The following GBE1 variants were observed in gnomAD, a reference collection of about 807,000 sequenced individuals.
GBE1 encodes the protein 1,4-alpha-glucan branching enzyme 1, also known as 1,4-alpha-glucan-branching enzyme.
GBE1 carries 70 observed loss-of-function variants against 88.8 expected under a neutral mutation model. The observed-to-expected ratio is 0.79, with a 90% confidence interval of 0.65 to 0.96. The LOEUF (loss-of-function observed/expected upper bound fraction) is 0.96, where lower values mean the gene tolerates loss of function less well. Among genes scored for constraint, GBE1 ranks in the 40% least tolerant of loss-of-function variants. GBE1 has a pLI of 0.00. For missense variants in GBE1, 872 were observed against 871.0 expected (o/e 1.00, Z -0.01); for synonymous variants, 284 against 300.1 (o/e 0.95, Z 0.56).
chr3:81,503,525 G>C (rs1702616545), intron 14 of GBE1, among the ~76,000 whole-genome samples: 1 of 152,150 alleles, frequency 6.6e-6, no homozygotes, highest in Non-Finnish European at 1.5e-5. Flanking sequence ...ACAGTCCAAG[G>C]ATAGTTAAGT....
At chr3:81,694,703 A>G (rs961087527) in intron 2 of GBE1, among the ~76,000 whole-genome samples, 9 of 152,144 alleles carry the variant, frequency 5.9e-5, no homozygotes, top group African/African-American at 2.2e-4. Context: ...AACCAAGACA[A>G]CCCAAGAGAA....
intron 15 of GBE1, among the ~76,000 whole-genome samples, chr3:81,494,607 C>T (rs1022785676): frequency 1.3e-5 from 2 of 152,114 alleles, no homozygotes; most frequent in East Asian, 1.9e-4. Context: ...AAGCCCTAAA[C>T]ATTTTATACC....
At chr3:81,624,443 T>G (rs1428890304) in intron 7 of GBE1, among the ~76,000 whole-genome samples, 1 of 152,192 alleles carries the variant, frequency 6.6e-6, no homozygotes, top group Non-Finnish European at 1.5e-5. Context: ...GCTCCTAACA[T>G]GTAATATTCA....
At chr3:81,675,252 T>C (rs1009509642) in intron 2 of GBE1, among the ~76,000 whole-genome samples, 1 of 152,034 alleles carries the variant, frequency 6.6e-6, no homozygotes, top group Non-Finnish European at 1.5e-5. Flanking sequence ...TAATATAATA[T>C]ATCAACAGGT....
chr3:81,532,853 TTTC>T (rs1408737563), intron 14 of GBE1, among the ~76,000 whole-genome samples: 1 of 152,060 alleles, frequency 6.6e-6, no homozygotes, highest in East Asian at 1.9e-4. Context: ...CTGAAATGGC[TTTC>T]TTCATTTGTT....
At chr3:81,585,959 G>C (rs374407587) in intron 10 of GBE1, 133 bp downstream of exon 10, 2 of 533,186 alleles carry the variant, frequency 3.8e-6, no homozygotes, top group African/African-American at 2.0e-5. Context: ...CATAAGAATC[G>C]ACAGACTAAT....
intron 7 of GBE1, among the ~76,000 whole-genome samples, chr3:81,639,410 G>C (rs946767967): frequency 6.6e-6 from 1 of 151,788 alleles, no homozygotes; most frequent in Admixed American, 6.6e-5. Context: ...AAATATGGCT[G>C]AGTAAATAAT....
chr3:81,648,975 G>T lies in GBE1; in HGVS notation c.572C>A (p.Pro191Gln). The change falls in exon 5 of 16, where the codon CCA (proline) becomes CAA (glutamine). Residue 191 changes from proline (P) to glutamine (Q), a missense_variant. Coordinates refer to ENST00000429644, the MANE Select transcript of GBE1 (RefSeq NM_000158.4). ...AATTCTTAGACTCCGTGGCTTCTTT[G>T]GTCTGGAATGCTTAAACTACAGAAT... is the stretch of plus-strand genomic sequence containing the variant. The part of the protein sequence containing the change: ...EHSYEFKHSR[P>Q]KKPRSLRIYE... The T allele has an allele frequency of 1.3e-6, 2 of 1,582,506 alleles. No homozygotes were observed. The highest frequency in any genetic ancestry group is 8.6e-7 in the Non-Finnish European group (1 of 1,162,270).
intron 1 of GBE1, among the ~76,000 whole-genome samples, chr3:81,745,347 T>C (rs1575775196): frequency 6.6e-6 from 1 of 152,184 alleles, no homozygotes; most frequent in African/African-American, 2.4e-5. Context: ...TACATACTTA[T>C]AGCTTACATA....
At chr3:81,611,249 T>A (rs1704179217) in intron 7 of GBE1, among the ~76,000 whole-genome samples, 1 of 152,210 alleles carries the variant, frequency 6.6e-6, no homozygotes, top group African/African-American at 2.4e-5. Flanking sequence ...GGGCAATGGC[T>A]AAGAAATTTC....
chr3:81,506,727 G>T (rs1261249197), intron 14 of GBE1, among the ~76,000 whole-genome samples: 1 of 152,142 alleles, frequency 6.6e-6, no homozygotes, highest in Admixed American at 6.6e-5. Context: ...ACCATGGAAT[G>T]CTATGCAGCT....
chr3:81,612,308 T>C lies in GBE1; in HGVS notation c.993-18285A>G, dbSNP rs1045894223. The C allele has an allele frequency of 3.1e-5, 27 of 868,652 alleles. 1 individual carries two copies. Among genetic ancestry groups the C allele is most frequent in the Middle Eastern group, 4.0e-4 (1 of 2,526 alleles). 53.8% of individuals were successfully genotyped at this position (868,652 alleles called of 1,614,324 possible). A position where few individuals can be genotyped will look rare whatever the true frequency, so the allele number is the denominator to read the frequency against. ...GCTGGCTTTATTCTGCGTTTGACTT[T>C]AATGTTTCGTCAAATCCATTCCAGA... is the stretch of plus-strand genomic sequence containing the variant. On this transcript the variant is annotated intron_variant, in intron 7 of 15. Coordinates refer to ENST00000429644, the MANE Select transcript of GBE1 (RefSeq NM_000158.4).
At chr3:81,519,156 G>A (rs1199773456) in intron 14 of GBE1, among the ~76,000 whole-genome samples, 3 of 151,582 alleles carry the variant, frequency 2.0e-5, no homozygotes, top group Non-Finnish European at 4.4e-5. Context: ...TCTGCCTTCA[G>A]CAATCACACT....
intron 3 of GBE1, chr3:81,654,903 T>C (rs1358680666): frequency 6.6e-6 from 1 of 152,140 alleles, no homozygotes; most frequent in Non-Finnish European, 1.5e-5. Flanking sequence ...TAACAACATG[T>C]ATATTTTTTG....
chr3:81,516,007 G>A (rs568433033), intron 14 of GBE1, among the ~76,000 whole-genome samples: 1 of 151,806 alleles, frequency 6.6e-6, no homozygotes, highest in Admixed American at 6.6e-5. Context: ...AAATTTTAAG[G>A]TGAAGTAGCA....
intron 1 of GBE1, among the ~76,000 whole-genome samples, chr3:81,741,732 G>A (rs28630448): frequency 0.12 from 18,743 of 150,160 alleles, 1,319 homozygotes; most frequent in Non-Finnish European, 0.17. Flanking sequence ...CATATAACAT[G>A]TATGATATAT....
intron 7 of GBE1, among the ~76,000 whole-genome samples, chr3:81,615,536 A>G (rs1704238198): frequency 6.6e-6 from 1 of 152,234 alleles, no homozygotes; most frequent in African/African-American, 2.4e-5. Context: ...ACAAAATGGA[A>G]TATGTCCCTT....
chr3:81,528,196 A>C (rs1353107886), intron 14 of GBE1, among the ~76,000 whole-genome samples: 1 of 129,404 alleles, frequency 7.7e-6, no homozygotes, highest in Non-Finnish European at 1.6e-5. Context: ...GAAGGGGAAC[A>C]TCACACAGTG....
intron 7 of GBE1, chr3:81,613,148 CT>C (rs75197014): frequency 0.15 from 33,834 of 225,604 alleles, 170 homozygotes; most frequent in South Asian, 0.25. Context: ...AAGCTGCAGT[CT>C]TTTTTTTTTT....
Sources: gnomAD v4.1 joint callset for allele counts (sites outside exome capture counted in the v4.1 genomes callset) on GRCh38, gnomAD v4.1.1 for gene constraint, MANE v1.5 for transcripts, NCBI Gene and HGNC (gene_info 2026-07-23, HGNC 2026-07-21) for gene names.